Variants in DMD observed in about 807,000 individuals in gnomAD.
The protein encoded by DMD is dystrophin, also known as mutant dystrophin.
DMD carries 63 observed loss-of-function variants against 330.1 expected under a neutral mutation model. That is an observed-to-expected ratio of 0.19 (90% CI 0.16 to 0.24). The LOEUF (loss-of-function observed/expected upper bound fraction) is 0.24. Ranked by LOEUF, DMD falls within the 10% of genes least tolerant of loss-of-function variation. DMD has a pLI of 1.00. For missense variants in DMD, 3,344 were observed against 2,684.1 expected (o/e 1.25, Z -5.43); for synonymous variants, 1,223 against 959.8 (o/e 1.27, Z -5.07).
chrX:31,667,331 T>G (rs868773111), intron 53 of DMD, among the ~76,000 whole-genome samples: 10 of 111,999 alleles, frequency 8.9e-5, no homozygotes, highest in African/African-American at 2.9e-4. Flanking sequence ...ATTCATTAGC[T>G]GATGGACATT....
chrX:32,489,352 G>A (rs1011114487), intron 20 of DMD, among the ~76,000 whole-genome samples: 1 of 110,117 alleles, frequency 9.1e-6, no homozygotes, highest in Non-Finnish European at 1.9e-5. Flanking sequence ...GTGGCGGGGT[G>A]GGGGGCTAAT....
At chrX:32,479,083 C>T (rs1603634461) in intron 21 of DMD, among the ~76,000 whole-genome samples, 1 of 111,094 alleles carries the variant, frequency 9.0e-6, no homozygotes, top group African/African-American at 3.3e-5. Context: ...CTGAATTTTC[C>T]CTTTTTCTAA....
chrX:32,533,750 T>G (rs1224464543), intron 17 of DMD, among the ~76,000 whole-genome samples: 1 of 111,952 alleles, frequency 8.9e-6, no homozygotes, highest in African/African-American at 3.3e-5. Flanking sequence ...TGATGTGGAC[T>G]CATAATGACT....
At chrX:32,959,367 T>C (rs2147019254) in intron 2 of DMD, among the ~76,000 whole-genome samples, 1 of 111,496 alleles carries the variant, frequency 9.0e-6, no homozygotes, top group East Asian at 2.9e-4. Flanking sequence ...TCTCATCCAA[T>C]TCCGGTTTTG....
chrX:33,275,895 C>A (rs1185388505), intron 1 of DMD, among the ~76,000 whole-genome samples: 1 of 111,611 alleles, frequency 9.0e-6, no homozygotes, highest in Non-Finnish European at 1.9e-5. Flanking sequence ...TGTTTACGTA[C>A]ATATACATAT....
At chrX:33,078,009 T>C (rs1350693903) in intron 1 of DMD, among the ~76,000 whole-genome samples, 5 of 112,287 alleles carry the variant, frequency 4.5e-5, no homozygotes, top group Non-Finnish European at 7.5e-5. Context: ...GCTTTTTAAA[T>C]TGGCTTTGAT....
At chrX:33,339,126 C>A in intron 1 of DMD, 1 of 742,657 alleles carries the variant, frequency 1.3e-6, no homozygotes, top group South Asian at 2.3e-5. Flanking sequence ...TCTGTAAAAG[C>A]AACACTGTTT....
intron 54 of DMD, among the ~76,000 whole-genome samples, chrX:31,648,424 T>C (rs1442607766): frequency 4.6e-5 from 5 of 107,529 alleles, no homozygotes; most frequent in Non-Finnish European, 9.6e-5. Context: ...AAACACACAG[T>C]GGTGCACGGG....
intron 1 of DMD, among the ~76,000 whole-genome samples, chrX:33,157,707 G>A (rs1226587845): frequency 8.9e-6 from 1 of 112,448 alleles, no homozygotes; most frequent in Non-Finnish European, 1.9e-5. Flanking sequence ...TGTAATCCCA[G>A]CACTTTGGGA....
rs778412539 is a variant in DMD at position 31,729,695 on chromosome X, G to A, written c.7596C>T (p.Thr2532=). Residue 2532 remains threonine (T), a synonymous_variant, in exon 52 of 79, where the codon ACC becomes ACT. Coordinates refer to ENST00000357033, the MANE Select transcript of DMD (RefSeq NM_004006.3). ...QRRPQLEELI[T]AAQNLKNKTS... is the part of the protein sequence containing the mutation. ...TCTTGTTTTTCAAATTTTGGGCAGC[G>A]GTAATGAGTTCTTCCAACTGGGGAC... 104 of 1,209,578 alleles carry A rather than the reference G, an allele frequency of 8.6e-5. No individual in the cohort carries two copies. Among genetic ancestry groups the A allele is most frequent in the East Asian group, 2.1e-4 (7 of 33,743 alleles).
At chrX:32,655,560 T>A (rs2060501232) in intron 9 of DMD, among the ~76,000 whole-genome samples, 1 of 111,800 alleles carries the variant, frequency 8.9e-6, no homozygotes, top group South Asian at 3.8e-4. Flanking sequence ...AACTTCCAAC[T>A]ATGTGGTCAA....
chrX:31,494,387 T>C (rs1375287042), intron 57 of DMD, among the ~76,000 whole-genome samples: 1 of 111,420 alleles, frequency 9.0e-6, no homozygotes, highest in Non-Finnish European at 1.9e-5. Flanking sequence ...TTATTAAAAT[T>C]TAGATGATTG....
intron 44 of DMD, among the ~76,000 whole-genome samples, chrX:32,189,895 T>C (rs753060252): frequency 1.1e-4 from 12 of 111,374 alleles, no homozygotes; most frequent in African/African-American, 3.6e-4. Flanking sequence ...TTTTTTTTAT[T>C]ATACTTTAAG....
chrX:31,335,300 C>G (rs757212956), intron 61 of DMD, among the ~76,000 whole-genome samples: 5 of 112,273 alleles, frequency 4.5e-5, no homozygotes, highest in Non-Finnish European at 9.4e-5. Flanking sequence ...TTAGACTAAG[C>G]ACCAGGCTAA....
At chrX:32,814,507 T>A (rs537418589) in intron 6 of DMD, among the ~76,000 whole-genome samples, 1 of 112,101 alleles carries the variant, frequency 8.9e-6, no homozygotes, top group Non-Finnish European at 1.9e-5. Context: ...CATTTTTTTC[T>A]TTAGATAAAG....
intron 55 of DMD, among the ~76,000 whole-genome samples, chrX:31,575,636 A>G (rs769892729): frequency 8.9e-6 from 1 of 112,057 alleles, no homozygotes; most frequent in Non-Finnish European, 1.9e-5. Context: ...GCTTTGTGTG[A>G]AGGTAAGTAA....
intron 12 of DMD, among the ~76,000 whole-genome samples, chrX:32,603,474 G>A (rs973575183): frequency 2.7e-5 from 3 of 110,311 alleles, no homozygotes; most frequent in African/African-American, 9.8e-5. Context: ...AGAACAAACC[G>A]AAACCAAAGC....
At chrX:31,680,853 G>A (rs1426409165) in intron 52 of DMD, among the ~76,000 whole-genome samples, 2 of 111,256 alleles carry the variant, frequency 1.8e-5, no homozygotes, top group Non-Finnish European at 3.8e-5. Context: ...TTTTTTCTAT[G>A]CAACTTCTCT....
At chrX:31,315,407 T>C (rs2055919121) in intron 62 of DMD, among the ~76,000 whole-genome samples, 1 of 112,057 alleles carries the variant, frequency 8.9e-6, no homozygotes, top group South Asian at 3.7e-4. Flanking sequence ...GTTAAGCAAA[T>C]GGCTCAAACG....
Sources: allele counts gnomAD v4.1 joint callset (sites outside exome capture counted in the v4.1 genomes callset), GRCh38; gene constraint gnomAD v4.1.1; transcripts MANE v1.5; gene names NCBI Gene and HGNC (gene_info 2026-07-23, HGNC 2026-07-21).